Variants in USP53 observed in about 807,000 individuals in gnomAD.
USP53 encodes ubiquitin carboxyl-terminal hydrolase 53.
A neutral mutation model predicts 94.9 loss-of-function variants in USP53; 71 were observed. That is an observed-to-expected ratio of 0.75 (90% CI 0.62 to 0.91). The LOEUF is 0.91. USP53 is among the 40% of genes least tolerant of loss of function. The probability of loss-of-function intolerance (pLI) is 0.00; values close to 1 mark genes in which losing one functional copy is unlikely to be tolerated. For synonymous variants in USP53, 375 were observed against 422.7 expected (o/e 0.89, Z 1.39); for missense variants, 1,173 against 1,281.0 (o/e 0.92, Z 1.29).
rs2149491934 is a variant in USP53, at chr4:119,294,333, G to C, written c.*1122G>C. 6.6e-6 allele frequency: 1 copy of C among 152,092 alleles called. No individual in the cohort carries two copies. The highest frequency in any genetic ancestry group is 2.1e-4 in the South Asian group (1 of 4,828). 9.4% of individuals were successfully genotyped at this position (152,092 alleles called of 1,614,324 possible). Reference sequence around the variant, plus strand: ...TTAATTTTAATAAAATGTTTAATTAGAGCATCCTTCCCTTTTATTCTACTT... The same window carrying C: ...TTAATTTTAATAAAATGTTTAATTACAGCATCCTTCCCTTTTATTCTACTT... On this transcript the variant is annotated 3_prime_UTR_variant, in exon 19 of 19. Coordinates refer to ENST00000692078, the MANE Select transcript of USP53 (RefSeq NM_001371395.1).
intron 2 of USP53, among the ~76,000 whole-genome samples, chr4:119,215,012 C>A (rs922125871): frequency 6.6e-6 from 1 of 152,118 alleles, no homozygotes; most frequent in Admixed American, 6.5e-5. Flanking sequence ...TCCTTTTTGA[C>A]AGCTTTAACT....
Position 119,292,602 on chromosome 4 carries a change from G to T in USP53, c.2613G>T (p.Gly871=). The part of the protein sequence containing the change: ...SLWSSHLRTV[G]LKPETAPLIQ... ...GGTCTTCACACCTAAGAACTGTTGG[G>T]TTAAAGCCAGAAACTGCTCCTCTCA... is the stretch of plus-strand genomic sequence containing the variant. The change falls in exon 19 of 19, where the codon GGG becomes GGT. Residue 871 remains glycine, a synonymous_variant. Transcript: ENST00000692078. The T allele has an allele frequency of 6.2e-7, 1 of 1,614,058 alleles. No individual in the cohort carries two copies. Among genetic ancestry groups the T allele is most frequent in the Non-Finnish European group, 8.5e-7 (1 of 1,179,958 alleles).
intron 6 of USP53, among the ~76,000 whole-genome samples, chr4:119,246,491 T>A (rs1038718741): frequency 1.4e-4 from 21 of 152,342 alleles, no homozygotes; most frequent in African/African-American, 4.8e-4. Flanking sequence ...GGTCCCAGCA[T>A]TCAAACTGTC....
chr4:119,261,694 A>G (rs962132049), intron 11 of USP53, 21 bp from the exon 12 acceptor site: 1 of 1,556,154 alleles, frequency 6.4e-7, no homozygotes, highest in Non-Finnish European at 8.8e-7. Context: ...TTAAGTGTAC[A>G]TTACCAATTT....
chr4:119,250,892 A>G (rs527626000), intron 7 of USP53, among the ~76,000 whole-genome samples: 1 of 132,150 alleles, frequency 7.6e-6, no homozygotes, highest in South Asian at 2.6e-4. Flanking sequence ...GACTACCTAG[A>G]TGATTCAAGT....
At chr4:119,232,527 A>T (rs1422417913) in intron 3 of USP53, among the ~76,000 whole-genome samples, 3 of 152,154 alleles carry the variant, frequency 2.0e-5, no homozygotes, top group Admixed American at 2.0e-4. Context: ...CATTTTGTTT[A>T]TCCATTGATT....
At chr4:119,254,228 G>T (rs570663413) in intron 7 of USP53, among the ~76,000 whole-genome samples, 2 of 152,234 alleles carry the variant, frequency 1.3e-5, no homozygotes, top group East Asian at 3.9e-4. Context: ...GTATCTTTGT[G>T]GTGTTCTCTG....
intron 3 of USP53, among the ~76,000 whole-genome samples, chr4:119,226,936 C>T (rs1745330410): frequency 6.6e-6 from 1 of 152,120 alleles, no homozygotes; most frequent in Non-Finnish European, 1.5e-5. Flanking sequence ...CAGGCTCACT[C>T]GATCCTCCCA....
At chr4:119,246,464 G>A (rs1050766471) in intron 6 of USP53, among the ~76,000 whole-genome samples, 3 of 152,290 alleles carry the variant, frequency 2.0e-5, no homozygotes. Flanking sequence ...ATGAAAGAGC[G>A]ACCCTCAGAT....
At chr4:119,249,340 C>T (rs1003619173) in intron 7 of USP53, among the ~76,000 whole-genome samples, 1 of 152,098 alleles carries the variant, frequency 6.6e-6, no homozygotes, top group African/African-American at 2.4e-5. Context: ...TTGAAAATCA[C>T]TGAGGTTGAT....
In USP53 at chr4:119,259,909, A is replaced by C. The variant is rs1750277223; in HGVS notation, c.659A>C (p.Asp220Ala). Residue 220 changes from aspartate (D) to alanine (A), a missense_variant, in exon 10 of 19, where the codon GAC (aspartate) becomes GCC (alanine). By Grantham distance (126) the Asp-to-Ala change is moderately radical (BLOSUM62 -2). Coordinates refer to ENST00000692078, the MANE Select transcript of USP53 (RefSeq NM_001371395.1). ...CTACAAGCAGCAAATACAACAGATG[A>C]CTATAGGAAATGTCCTGTAAGTATA... ...ELLQAANTTD[D>A]YRKCPSNCGQ... 1.9e-6 allele frequency: 3 copies of C among 1,609,418 alleles called. No individual in the cohort carries two copies. In the Admixed American group the frequency reaches 5.1e-5, roughly 27 times the overall value.
At chr4:119,267,569 A>G (rs1751306957) in intron 13 of USP53, 87 bp downstream of exon 13, 1 of 1,354,610 alleles carries the variant, frequency 7.4e-7, no homozygotes. Context: ...AAATGAATAT[A>G]GAGGATAATT....
At chr4:119,234,034 C>T (rs905315957) in intron 3 of USP53, among the ~76,000 whole-genome samples, 4 of 152,122 alleles carry the variant, frequency 2.6e-5, no homozygotes, top group Admixed American at 2.0e-4. Context: ...TATGCAGTGC[C>T]GGTGAGAACA....
At chr4:119,254,615 A>G (rs1020696391) in intron 7 of USP53, among the ~76,000 whole-genome samples, 2 of 152,112 alleles carry the variant, frequency 1.3e-5, no homozygotes, top group African/African-American at 4.8e-5. Flanking sequence ...CTAGTTAGCC[A>G]TTTGTCTAAC....
At position 119,235,337 on chromosome 4, in the gene USP53, T is replaced by G. The variant is rs1215850970; in HGVS notation, c.-617T>G. 1 of 152,284 alleles carries G rather than the reference T, an allele frequency of 6.6e-6. No individual in the cohort carries two copies. The highest frequency in any genetic ancestry group is 6.5e-5 in the Admixed American group (1 of 15,284). 9.4% of individuals were successfully genotyped at this position (152,284 alleles called of 1,614,324 possible). ...AGGCTGGAGTGCAGTGGTGCAGTCTTAGCTTACTGCAGCCTCAAACTTCTG... is the reference window on the plus strand; with the variant it reads ...AGGCTGGAGTGCAGTGGTGCAGTCTGAGCTTACTGCAGCCTCAAACTTCTG... On this transcript the variant is annotated 5_prime_UTR_variant, in exon 4 of 19. Transcript: ENST00000692078.
At chr4:119,279,695 C>G (rs1414843011) in intron 17 of USP53, among the ~76,000 whole-genome samples, 5 of 152,264 alleles carry the variant, frequency 3.3e-5, no homozygotes, top group African/African-American at 1.2e-4. Context: ...CGCCCCTCCC[C>G]CAGCCTCGCT....
At chr4:119,283,746 T>C (rs1753776315) in intron 17 of USP53, among the ~76,000 whole-genome samples, 1 of 151,866 alleles carries the variant, frequency 6.6e-6, no homozygotes, top group African/African-American at 2.4e-5. Flanking sequence ...GGAACAGATT[T>C]TGGGGGTGGA....
intron 7 of USP53, among the ~76,000 whole-genome samples, chr4:119,252,935 CTT>C (rs1168718661): frequency 5.3e-5 from 8 of 152,048 alleles, no homozygotes; most frequent in Middle Eastern, 3.2e-3. Flanking sequence ...TACATTGTGT[CTT>C]TGTTCTCATT....
At chr4:119,256,558 T>G in intron 9 of USP53, 35 bp downstream of exon 9, 1 of 1,590,774 alleles carries the variant, frequency 6.3e-7, no homozygotes, top group Non-Finnish European at 8.6e-7. Context: ...ATCAACGATA[T>G]TAATAACATA....
Sources: gnomAD v4.1 joint callset for allele counts (sites outside exome capture counted in the v4.1 genomes callset) on GRCh38, gnomAD v4.1.1 for gene constraint, MANE v1.5 for transcripts, NCBI Gene and HGNC (gene_info 2026-07-23, HGNC 2026-07-21) for gene names.